SLC24A2: variants seen among roughly 807,000 people sequenced by gnomAD.
SLC24A2 encodes the protein solute carrier family 24 member 2.
SLC24A2 carries 36 observed loss-of-function variants against 62.0 expected under a neutral mutation model. The observed-to-expected ratio is 0.58, with a 90% confidence interval of 0.44 to 0.77. The LOEUF is 0.77. SLC24A2 is among the 30% of genes least tolerant of loss of function. SLC24A2 has a pLI of 0.00. For synonymous variants in SLC24A2, 358 were observed against 294.0 expected (o/e 1.22, Z -2.23); for missense variants, 846 against 817.9 (o/e 1.03, Z -0.42).
the SLC24A2 span, among the ~76,000 whole-genome samples, chr9:19,987,565 G>A: frequency 6.6e-6 from 1 of 152,066 alleles, no homozygotes; most frequent in Admixed American, 6.6e-5. Context: ...CACTTACCAG[G>A]TTCCACTTCA....
chr9:20,095,840 A>C, the SLC24A2 span, among the ~76,000 whole-genome samples: 1 of 152,194 alleles, frequency 6.6e-6, no homozygotes, highest in Non-Finnish European at 1.5e-5. Flanking sequence ...GCGAAAGGCA[A>C]GTCTTATATG....
chr9:20,283,534 C>T, the SLC24A2 span, among the ~76,000 whole-genome samples: 275 of 152,176 alleles, frequency 1.8e-3, no homozygotes, highest in Non-Finnish European at 3.5e-3. Context: ...GAGTTATGGC[C>T]GGAATATCCA....
In SLC24A2 at chr9:19,680,860, T is replaced by A. The variant is rs1169620447; in HGVS notation, c.931-58561A>T. 2.9e-5 allele frequency among the ~76,000 whole-genome samples: 4 copies of A among 135,750 alleles called. No homozygotes were observed. In the East Asian group the frequency reaches 5.9e-4, roughly 20 times the overall value. The allele number at this position is 135,750 out of a possible 152,430, so 89.1% of individuals were successfully genotyped here. A position where few individuals can be genotyped will look rare whatever the true frequency, so the allele number is the denominator to read the frequency against. ...AAAATATATACCAGAGTTGTGTGTGTGTGTGTGTGTGTGTGTGTGTGTGTG... is the reference window on the plus strand; with the variant it reads ...AAAATATATACCAGAGTTGTGTGTGAGTGTGTGTGTGTGTGTGTGTGTGTG... On this transcript the variant is annotated intron_variant, in intron 2 of 10. Transcript: ENST00000341998.
At chr9:20,103,727 G>A in the SLC24A2 span, among the ~76,000 whole-genome samples, 1 of 152,064 alleles carries the variant, frequency 6.6e-6, no homozygotes, top group African/African-American at 2.4e-5. Context: ...ACCAAAAGTA[G>A]ATAAAACCAC....
At chr9:20,104,305 T>C in the SLC24A2 span, among the ~76,000 whole-genome samples, 1 of 152,168 alleles carries the variant, frequency 6.6e-6, no homozygotes, top group African/African-American at 2.4e-5. Context: ...CCTTTCCCAA[T>C]CTAGCAAGGC....
At chr9:19,820,014 T>C in the SLC24A2 span, among the ~76,000 whole-genome samples, 1 of 106,998 alleles carries the variant, frequency 9.3e-6, no homozygotes, top group African/African-American at 3.5e-5. Flanking sequence ...TATGTGTATA[T>C]ATATATATAT....
the SLC24A2 span, among the ~76,000 whole-genome samples, chr9:19,859,439 C>T: frequency 1.3e-5 from 2 of 151,966 alleles, no homozygotes; most frequent in Non-Finnish European, 2.9e-5. Flanking sequence ...TACATCAAAC[C>T]CCCAAGACAT....
At chr9:19,830,532 A>C in the SLC24A2 span, among the ~76,000 whole-genome samples, 1 of 152,222 alleles carries the variant, frequency 6.6e-6, no homozygotes, top group Non-Finnish European at 1.5e-5. Flanking sequence ...TTGGACCAAC[A>C]ATCATTCATT....
At chr9:19,611,399 A>G (rs1340974603) in intron 4 of SLC24A2, among the ~76,000 whole-genome samples, 6 of 147,200 alleles carry the variant, frequency 4.1e-5, no homozygotes, top group African/African-American at 1.5e-4. Context: ...GAAGGAGGGG[A>G]AGGAGGGGAA....
the SLC24A2 span, among the ~76,000 whole-genome samples, chr9:20,241,968 T>C: frequency 1.4e-3 from 218 of 152,336 alleles, 1 homozygote; most frequent in African/African-American, 4.8e-3. Context: ...CACCTTTTCA[T>C]TCTCCTCTAG....
intron 2 of SLC24A2, among the ~76,000 whole-genome samples, chr9:19,755,118 A>G (rs1822100907): frequency 6.6e-6 from 1 of 152,174 alleles, no homozygotes; most frequent in Non-Finnish European, 1.5e-5. Flanking sequence ...CTGGGCTTAA[A>G]TCCTGGTCCC....
chr9:20,307,836 G>A, the SLC24A2 span, among the ~76,000 whole-genome samples: 5 of 152,226 alleles, frequency 3.3e-5, no homozygotes, highest in East Asian at 9.7e-4. Flanking sequence ...GGGAAGGAGG[G>A]ACCGCGGCTC....
At chr9:19,822,590 TC>T in the SLC24A2 span, among the ~76,000 whole-genome samples, 1 of 152,116 alleles carries the variant, frequency 6.6e-6, no homozygotes, top group Non-Finnish European at 1.5e-5. Flanking sequence ...AGATTGGTGT[TC>T]TGTTGCACCA....
chr9:19,924,538 A>G, the SLC24A2 span, among the ~76,000 whole-genome samples: 1 of 152,128 alleles, frequency 6.6e-6, no homozygotes, highest in African/African-American at 2.4e-5. Flanking sequence ...GCTTCCAGAT[A>G]TCTACCCAGC....
chr9:19,828,884 C>T, the SLC24A2 span, among the ~76,000 whole-genome samples: 1 of 152,066 alleles, frequency 6.6e-6, no homozygotes, highest in African/African-American at 2.4e-5. Context: ...AGCCTTGGCT[C>T]CATCCCAACA....
chr9:19,825,528 C>T, the SLC24A2 span, among the ~76,000 whole-genome samples: 1 of 151,906 alleles, frequency 6.6e-6, no homozygotes, highest in African/African-American at 2.4e-5. Flanking sequence ...TAGGGTCTAA[C>T]TGAGCTTATA....
the SLC24A2 span, among the ~76,000 whole-genome samples, chr9:20,141,167 T>A: frequency 6.6e-6 from 1 of 152,134 alleles, no homozygotes; most frequent in Non-Finnish European, 1.5e-5. Flanking sequence ...ACCATTTCTA[T>A]GCCACAGGAC....
In SLC24A2 at chr9:19,702,568, A is replaced by C. The variant is rs903940733; in HGVS notation, c.931-80269T>G. On this transcript the variant is annotated intron_variant, in intron 2 of 10. Coordinates refer to ENST00000341998, the MANE Select transcript of SLC24A2 (RefSeq NM_020344.4). Reference sequence around the variant, plus strand: ...ATCTATTAAAACTAGGGCTCCCAGAACTGGTCTTTCAGTAGTTTACATAAT... The same window carrying C: ...ATCTATTAAAACTAGGGCTCCCAGACCTGGTCTTTCAGTAGTTTACATAAT... Among the ~76,000 whole-genome samples the C allele has an allele frequency of 2.6e-5, 4 of 152,160 alleles. 1 individual carries two copies. The highest frequency in any genetic ancestry group is 9.7e-5 in the African/African-American group (4 of 41,440).
the SLC24A2 span, among the ~76,000 whole-genome samples, chr9:19,888,662 T>C: frequency 1.3e-5 from 2 of 152,304 alleles, no homozygotes; most frequent in South Asian, 4.2e-4. Flanking sequence ...ATCTTGGTTT[T>C]ACCGCTTTCT....
Sources: gnomAD v4.1 joint callset for allele counts (sites outside exome capture counted in the v4.1 genomes callset) on GRCh38, gnomAD v4.1.1 for gene constraint, MANE v1.5 for transcripts, NCBI Gene and HGNC (gene_info 2026-07-23, HGNC 2026-07-21) for gene names.